The following METTL5 variants were observed in gnomAD, a reference collection of about 807,000 sequenced individuals.
METTL5 encodes rRNA N(6)-adenosine-methyltransferase METTL5.
METTL5 carries 28 observed loss-of-function variants against 26.5 expected under a neutral mutation model. The observed-to-expected ratio is 1.06, with a 90% CI of 0.78 to 1.45. The LOEUF (loss-of-function observed/expected upper bound fraction) is 1.45. Ranked by LOEUF, METTL5 falls within the 40% of genes most tolerant of loss-of-function variation. The pLI, the probability that METTL5 is intolerant of heterozygous loss-of-function variation, is 0.00. For missense variants in METTL5, 231 were observed against 249.9 expected, an observed-to-expected ratio of 0.92 and a Z score of 0.51; for synonymous variants, 86 against 82.6, an observed-to-expected ratio of 1.04 and a Z score of -0.22.
Position 169,824,831 on chromosome 2 carries a change from G to C in METTL5, c.-234C>G, listed in dbSNP as rs1573976068. ...AGGAGACGGCGGCGGCGCACTGCTG[G>C]AGCAGCCTCAGGATCCCTCGCGCCA... On this transcript the variant is annotated 5_prime_UTR_variant, in exon 1 of 7. Coordinates refer to ENST00000260953, the MANE Select transcript of METTL5 (RefSeq NM_014168.4). The C allele has an allele frequency of 4.7e-6, 2 of 427,280 alleles. No homozygotes were observed. The highest frequency in any genetic ancestry group is 8.6e-6 in the Non-Finnish European group (2 of 232,036). The allele number at this position is 427,280 out of a possible 1,614,324, so 26.5% of individuals were successfully genotyped here.
chr2:169,817,590 AC>A (rs938746743), intron 4 of METTL5, among the ~76,000 whole-genome samples: 83 of 152,224 alleles, frequency 5.5e-4, no homozygotes, highest in African/African-American at 1.9e-3. Flanking sequence ...ACCATGGAAT[AC>A]TATGCAGCCA....
chr2:169,811,786 A>T lies in METTL5; in HGVS notation c.*34T>A, dbSNP rs772063248. ...GTAAACCAATTTTTTATTCATTTTA[A>T]ATAGGTTTTAAACGACTTTTGTTTG... On this transcript the variant is annotated 3_prime_UTR_variant, in exon 7 of 7. Transcript: ENST00000260953. 1 of 1,613,556 alleles carries T rather than the reference A, an allele frequency of 6.2e-7. No homozygotes were observed. The highest frequency in any genetic ancestry group is 8.5e-7 in the Non-Finnish European group (1 of 1,179,748).
intron 4 of METTL5, among the ~76,000 whole-genome samples, chr2:169,816,170 C>G (rs1229537999): frequency 2.0e-5 from 3 of 152,144 alleles, no homozygotes; most frequent in African/African-American, 7.2e-5. Flanking sequence ...AGCATTATTT[C>G]ATTGATATAT....
chr2:169,819,255 C>T (rs3769769), intron 4 of METTL5, among the ~76,000 whole-genome samples: 90,658 of 151,994 alleles, frequency 0.6, 28,115 homozygotes, highest in Admixed American at 0.69. Context: ...AAGGGATCAA[C>T]TAAGACTTAC....
intron 5 of METTL5, chr2:169,813,289 A>C (rs1339706971): frequency 6.6e-6 from 1 of 151,638 alleles, no homozygotes. Context: ...CACCACACCC[A>C]GCTAATTTTT....
chr2:169,822,150 G>A, intron 1 of METTL5, 93 bp from the exon 2 acceptor site: 1 of 1,466,992 alleles, frequency 6.8e-7, no homozygotes, highest in South Asian at 1.4e-5. Context: ...TTCTTGTGTT[G>A]CATTACTTAG....
At chr2:169,815,609 T>A in intron 4 of METTL5, 81 bp from the exon 5 acceptor site, 1 of 1,041,270 alleles carries the variant, frequency 9.6e-7, no homozygotes, top group Non-Finnish European at 1.4e-6. Flanking sequence ...TACTTGAGAT[T>A]GAGTTTTTAA....
intron 4 of METTL5, among the ~76,000 whole-genome samples, chr2:169,815,857 A>G (rs1044872312): frequency 2.0e-5 from 3 of 152,232 alleles, no homozygotes; most frequent in African/African-American, 7.2e-5. Flanking sequence ...CTATTGCCTA[A>G]TGATGTAGCT....
At chr2:169,821,060 A>C (rs1300242862) in intron 3 of METTL5, 32 bp downstream of exon 3, 3 of 1,513,426 alleles carry the variant, frequency 2.0e-6, no homozygotes, top group Middle Eastern at 1.8e-4. Flanking sequence ...TTTTCTATAA[A>C]TATACCAATA....
At chr2:169,821,409 T>A in intron 2 of METTL5, 136 bp from the exon 3 acceptor site, 2 of 350,996 alleles carry the variant, frequency 5.7e-6, no homozygotes, top group Non-Finnish European at 9.5e-6. Flanking sequence ...TGTTTTCTTC[T>A]TTTTTTTTTT....
chr2:169,811,940 TTTGTG>T, intron 6 of METTL5, 82 bp from the exon 7 acceptor site: 1 of 1,455,536 alleles, frequency 6.9e-7, no homozygotes, highest in Non-Finnish European at 9.5e-7. Flanking sequence ...TATTGTTCTG[TTTGTG>T]TTATTTCAGA....
At position 169,815,481 on chromosome 2, in the gene METTL5, T is replaced by G; in HGVS notation, c.537A>C (p.Ile179=). 1.2e-6 allele frequency: 2 copies of G among 1,601,160 alleles called. No individual in the cohort carries two copies. Among genetic ancestry groups the G allele is most frequent in the Non-Finnish European group, 1.7e-6 (2 of 1,170,920 alleles). The change falls in exon 5 of 7, where the codon ATA becomes ATC. Residue 179 remains isoleucine, a synonymous_variant. Coordinates refer to ENST00000260953, the MANE Select transcript of METTL5 (RefSeq NM_014168.4). The part of the protein sequence containing the change: ...AAEWKIKIDI[I]AELRYDLPAS... ...TAGGATTGAGATTTGTCTTACCTGCTATAATATCTATCTTGATTTTCCATT... is the reference window on the plus strand; with the variant it reads ...TAGGATTGAGATTTGTCTTACCTGCGATAATATCTATCTTGATTTTCCATT...
intron 6 of METTL5, 128 bp from the exon 7 acceptor site, chr2:169,811,986 AT>A: frequency 9.3e-7 from 1 of 1,078,902 alleles, no homozygotes; most frequent in South Asian, 1.5e-5. Context: ...AGATTCTTCC[AT>A]TAAATTGCCT....
Position 169,824,505 on chromosome 2 carries a change from G to A in METTL5, c.93C>T (p.Thr31=). ...CCGCCCTACCTGCAATGTGCGGCCT[G>A]GTAGGATACTGTTCCAGAAGTAGCT... ...KPKLLLEQYP[T]RPHIAACMLY... is the part of the protein sequence containing the mutation. The change falls in exon 1 of 7, where the codon ACC becomes ACT. Residue 31 remains threonine (T), a synonymous_variant. Transcript: ENST00000260953. 1 of 1,614,026 alleles carries A rather than the reference G, an allele frequency of 6.2e-7. No homozygotes were observed. Among genetic ancestry groups the A allele is most frequent in the Non-Finnish European group, 8.5e-7 (1 of 1,179,886 alleles).
At position 169,812,509 on chromosome 2, in the gene METTL5, G is replaced by A; in HGVS notation, c.542-3C>T. Reference sequence around the variant, plus strand: ...TGCTGGCAGGTCATATCGAAGTTCTGTAAAACAAAAGCCACCTAAGGATAA... The same window carrying A: ...TGCTGGCAGGTCATATCGAAGTTCTATAAAACAAAAGCCACCTAAGGATAA... On this transcript the variant is annotated splice_region_variant and splice_polypyrimidine_tract_variant and intron_variant, in intron 5 of 6. Coordinates refer to ENST00000260953, the MANE Select transcript of METTL5 (RefSeq NM_014168.4). The A allele has an allele frequency of 6.2e-7, 1 of 1,612,820 alleles. No individual in the cohort carries two copies. The highest frequency in any genetic ancestry group is 8.5e-7 in the Non-Finnish European group (1 of 1,179,676).
chr2:169,818,046 C>G (rs2081533460), intron 4 of METTL5, among the ~76,000 whole-genome samples: 1 of 152,020 alleles, frequency 6.6e-6, no homozygotes, highest in Non-Finnish European at 1.5e-5. Context: ...AAGCCTCCCA[C>G]TCCCTACTCC....
chr2:169,823,526 A>T (rs905103038), intron 1 of METTL5, among the ~76,000 whole-genome samples: 7 of 152,146 alleles, frequency 4.6e-5, no homozygotes, highest in African/African-American at 1.7e-4. Flanking sequence ...CAGAAAATTA[A>T]TTTTCCTAAG....
rs1311629442 is a variant in METTL5, at chr2:169,821,169, C to T, written c.329G>A (p.Cys110Tyr). Residue 110 changes from cysteine to tyrosine, a missense_variant, in exon 3 of 7, where the codon TGC becomes TAC. Physicochemically the swap from Cys to Tyr is radical, Grantham distance 194. Coordinates refer to ENST00000260953, the MANE Select transcript of METTL5 (RefSeq NM_014168.4). ...TNIDMVQCDVCLLSNRMSKSF... is the reference protein window; with the variant it reads ...TNIDMVQCDVYLLSNRMSKSF... ...CTTGGACATTCTGTTAGATAATAAG[C>T]ACACATCACATTGAACCATGTCAAT... 4 of 1,612,506 alleles carry T rather than the reference C, an allele frequency of 2.5e-6. No homozygotes were observed. Among genetic ancestry groups the T allele is most frequent in the Non-Finnish European group, 3.4e-6 (4 of 1,179,230 alleles).
intron 2 of METTL5, 58 bp downstream of exon 2, chr2:169,821,885 A>G: frequency 6.8e-7 from 1 of 1,476,958 alleles, no homozygotes; most frequent in Non-Finnish European, 9.4e-7. Flanking sequence ...AGTTAATCCC[A>G]TTGATGCTCC....
Sources: gnomAD v4.1 joint callset for allele counts (sites outside exome capture counted in the v4.1 genomes callset) on GRCh38, gnomAD v4.1.1 for gene constraint, MANE v1.5 for transcripts, NCBI Gene and HGNC (gene_info 2026-07-23, HGNC 2026-07-21) for gene names.